Variants in APP observed in about 807,000 individuals in gnomAD.
The protein encoded by APP is amyloid beta precursor protein, also known as amyloid-beta precursor protein.
Under a neutral mutation model 101.4 loss-of-function variants are expected in APP, and 31 were observed. That is an observed-to-expected ratio of 0.31 (90% CI 0.23 to 0.41). The LOEUF is 0.41. Among genes scored for constraint, APP ranks in the 10% least tolerant of loss-of-function variants. The pLI, the probability that APP is intolerant of heterozygous loss-of-function variation, is 1.00. For synonymous variants in APP, 366 were observed against 364.4 expected (o/e 1.00, Z -0.05); for missense variants, 839 against 1,003.7 (o/e 0.84, Z 2.22).
intron 1 of APP, among the ~76,000 whole-genome samples, chr21:26,168,977 C>G (rs2063679313): frequency 1.3e-5 from 2 of 152,004 alleles, no homozygotes; most frequent in African/African-American, 2.4e-5. Flanking sequence ...TGCTTTTTTT[C>G]TTTTGGAAAA....
At chr21:26,011,770 G>T (rs973797564) in intron 6 of APP, among the ~76,000 whole-genome samples, 1 of 145,818 alleles carries the variant, frequency 6.9e-6, no homozygotes, top group Non-Finnish European at 1.5e-5. Flanking sequence ...ATAAGAATTG[G>T]CAAGCAAGAC....
In APP at chr21:25,920,516, T is replaced by G. The variant is rs1218467811; in HGVS notation, c.1688-8554A>C. 4.0e-5 allele frequency among the ~76,000 whole-genome samples: 6 copies of G among 151,588 alleles called. No individual in the cohort carries two copies. In the East Asian group the frequency reaches 9.7e-4, roughly 24 times the overall value. Reference sequence around the variant, plus strand: ...TGCAGAGACACACACAGGCTCAAAATAAAAGGATGGAGGAAGATCTACCAA... The same window carrying G: ...TGCAGAGACACACACAGGCTCAAAAGAAAAGGATGGAGGAAGATCTACCAA... On this transcript the variant is annotated intron_variant, in intron 13 of 17. Transcript: ENST00000346798.
chr21:26,018,352 G>A (rs1568863373), intron 6 of APP, among the ~76,000 whole-genome samples: 1 of 152,208 alleles, frequency 6.6e-6, no homozygotes, highest in Non-Finnish European at 1.5e-5. Flanking sequence ...ATCTTTGCAA[G>A]TCACTTCTAA....
chr21:26,058,743 C>G (rs934371122), intron 3 of APP, among the ~76,000 whole-genome samples: 1 of 151,870 alleles, frequency 6.6e-6, no homozygotes, highest in Non-Finnish European at 1.5e-5. Context: ...TGAGGCCAGC[C>G]TGCATAACTT....
intron 1 of APP, among the ~76,000 whole-genome samples, chr21:26,142,229 G>A (rs2063062023): frequency 6.6e-6 from 1 of 152,084 alleles, no homozygotes; most frequent in African/African-American, 2.4e-5. Context: ...CGTCCTGGAT[G>A]GAGAAAATAT....
intron 17 of APP, among the ~76,000 whole-genome samples, chr21:25,884,311 C>T (rs1338737324): frequency 6.6e-6 from 1 of 152,188 alleles, no homozygotes; most frequent in African/African-American, 2.4e-5. Context: ...AATGACAGAC[C>T]TAGGCATCTC....
At chr21:25,901,003 A>G (rs979314427) in intron 15 of APP, among the ~76,000 whole-genome samples, 11 of 146,188 alleles carry the variant, frequency 7.5e-5, no homozygotes, top group Admixed American at 3.4e-4. Flanking sequence ...AAAAAAAAAA[A>G]AGAATGAGCT....
intron 3 of APP, among the ~76,000 whole-genome samples, chr21:26,082,111 C>T (rs1190461645): frequency 3.9e-5 from 6 of 152,086 alleles, no homozygotes; most frequent in Admixed American, 3.9e-4. Flanking sequence ...CCCAGCTACT[C>T]AGGAGGCCGA....
intron 3 of APP, among the ~76,000 whole-genome samples, chr21:26,062,117 G>A (rs1381321358): frequency 1.3e-5 from 2 of 151,850 alleles, no homozygotes; most frequent in Non-Finnish European, 2.9e-5. Flanking sequence ...GGCTGAGGCC[G>A]AAGAATCTCC....
At chr21:26,089,878 T>A (rs2061785375) in intron 3 of APP, 65 bp downstream of exon 3, 1 of 1,608,632 alleles carries the variant, frequency 6.2e-7, no homozygotes, top group Non-Finnish European at 8.5e-7. Context: ...AACAGGAGCA[T>A]CCTCTTTTTC....
chr21:25,881,000 A>G lies in APP; in HGVS notation c.*670T>C, dbSNP rs1374683667. On this transcript the variant is annotated 3_prime_UTR_variant, in exon 18 of 18. Transcript: ENST00000346798. The stretch of plus-strand genomic sequence containing the variant: ...GATTCTTTTCTTTATCAAAGACCCA[A>G]AGATACGTGGACAAAAAAAGAAAAG... 6.6e-6 allele frequency: 1 copy of G among 151,926 alleles called. No homozygotes were observed. Among genetic ancestry groups the G allele is most frequent in the African/African-American group, 2.4e-5 (1 of 41,228 alleles). The allele number at this position is 151,926 out of a possible 1,614,324, so 9.4% of individuals were successfully genotyped here.
chr21:25,941,509 C>T (rs2040575631), intron 13 of APP: 2 of 152,390 alleles, frequency 1.3e-5, no homozygotes, highest in South Asian at 4.1e-4. Context: ...CGGAGTCTCG[C>T]TCTGTCGCCC....
intron 8 of APP, among the ~76,000 whole-genome samples, chr21:25,990,655 C>A (rs757004895): frequency 6.6e-6 from 1 of 152,178 alleles, no homozygotes; most frequent in Non-Finnish European, 1.5e-5. Flanking sequence ...GTACAGTTAA[C>A]CTCTATGGAG....
intron 13 of APP, among the ~76,000 whole-genome samples, chr21:25,913,617 A>C (rs1420822590): frequency 6.6e-6 from 1 of 152,228 alleles, no homozygotes; most frequent in Admixed American, 6.5e-5. Context: ...ATTCATCTTG[A>C]CAGGAAATAA....
intron 3 of APP, among the ~76,000 whole-genome samples, chr21:26,072,598 T>G (rs1601390404): frequency 6.6e-6 from 1 of 152,204 alleles, no homozygotes; most frequent in East Asian, 1.9e-4. Context: ...TTATGCTTGA[T>G]TCATTTGATT....
chr21:25,994,619 C>T lies in APP; in HGVS notation c.1090+2741G>A, dbSNP rs557986696. On this transcript the variant is annotated intron_variant, in intron 8 of 17. Transcript: ENST00000346798. ...ATCTCCTTTCACATTTGTTATTTGA[C>T]TAGAAGCAGCTTAGACTGAGCAACC... Among the ~76,000 whole-genome samples the T allele has an allele frequency of 3.3e-5, 5 of 152,278 alleles. No individual in the cohort carries two copies. In the South Asian group the frequency reaches 8.3e-4, roughly 25 times the overall value.
chr21:26,089,341 T>A lies in APP; in HGVS notation c.355+602A>T, dbSNP rs185620725. On this transcript the variant is annotated intron_variant, in intron 3 of 17. Transcript: ENST00000346798. ...ACCACATAAAACTACTCAATTTTTT[T>A]AAATAAAATGTTGAGGTAAATTTGA... 2.3e-3 allele frequency among the ~76,000 whole-genome samples: 343 copies of A among 152,246 alleles called. 3 individuals carry two copies. Among genetic ancestry groups the A allele is most frequent in the African/African-American group, 7.6e-3 (315 of 41,554 alleles).
rs543966960 is a variant in APP, at chr21:26,124,069, C to T, written c.58-11923G>A. 8.6e-4 allele frequency among the ~76,000 whole-genome samples: 130 copies of T among 151,808 alleles called. 2 individuals are homozygous for T. The highest frequency in any genetic ancestry group is 1.0e-3 in the Non-Finnish European group (69 of 67,972). ...TCCCTACTCTTTAGCACTGGCCTGA[C>T]TCTCTCACTCCCACATATAAGCATT... On this transcript the variant is annotated intron_variant, in intron 1 of 17. Transcript: ENST00000346798.
chr21:25,986,243 C>T (rs568671888), intron 8 of APP, among the ~76,000 whole-genome samples: 1 of 152,216 alleles, frequency 6.6e-6, no homozygotes, highest in South Asian at 2.1e-4. Flanking sequence ...TGTATATCAG[C>T]AGGTCACTGA....
Sources: allele counts gnomAD v4.1 joint callset (sites outside exome capture counted in the v4.1 genomes callset), GRCh38; gene constraint gnomAD v4.1.1; transcripts MANE v1.5; gene names NCBI Gene and HGNC (gene_info 2026-07-23, HGNC 2026-07-21).